Variants in PRKG1 observed in about 807,000 individuals in gnomAD.
The protein encoded by PRKG1 is cGMP-dependent protein kinase 1.
In PRKG1, 35 loss-of-function variants were observed where a neutral mutation model predicts 88.1. That is an observed-to-expected ratio of 0.40 (90% confidence interval 0.30 to 0.53). PRKG1 has a LOEUF of 0.53. PRKG1 is among the 20% of genes least tolerant of loss of function. The pLI, the probability that PRKG1 is intolerant of heterozygous loss-of-function variation, is 0.59. For synonymous variants in PRKG1, 303 were observed against 292.5 expected (o/e 1.04, Z -0.37); for missense variants, 540 against 839.8 (o/e 0.64, Z 4.41).
chr10:51,876,755 G>A (rs796388184), intron 4 of PRKG1, among the ~76,000 whole-genome samples: 11 of 152,268 alleles, frequency 7.2e-5, no homozygotes, highest in African/African-American at 2.6e-4. Flanking sequence ...GAAGTGCCAA[G>A]AAATTAATGA....
At chr10:52,019,223 A>T (rs1299293435) in intron 5 of PRKG1, among the ~76,000 whole-genome samples, 2 of 152,150 alleles carry the variant, frequency 1.3e-5, no homozygotes, top group Non-Finnish European at 2.9e-5. Context: ...CCCATGACCC[A>T]AACACCTCCC....
intron 4 of PRKG1, among the ~76,000 whole-genome samples, chr10:51,845,607 A>G (rs1022441341): frequency 6.6e-6 from 1 of 152,166 alleles, no homozygotes; most frequent in Non-Finnish European, 1.5e-5. Flanking sequence ...AAAATAAGAA[A>G]TTTTATTATC....
chr10:52,224,462 T>C (rs954710125), intron 9 of PRKG1, among the ~76,000 whole-genome samples: 3 of 151,900 alleles, frequency 2.0e-5, no homozygotes, highest in African/African-American at 4.8e-5. Flanking sequence ...TTTTAATTTT[T>C]CCATAGGTTA....
chr10:51,698,374 A>G, intron 3 of PRKG1: 2 of 1,614,068 alleles, frequency 1.2e-6, no homozygotes, highest in Non-Finnish European at 1.7e-6. Flanking sequence ...TGGGCTCTCC[A>G]ATTAGCAGTC....
At chr10:51,080,718 C>A (rs534453365) in intron 1 of PRKG1, among the ~76,000 whole-genome samples, 1 of 152,340 alleles carries the variant, frequency 6.6e-6, no homozygotes, top group Non-Finnish European at 1.5e-5. Context: ...GTATCCTAAT[C>A]TGAATTGTTG....
chr10:51,291,975 T>G (rs909129778), intron 2 of PRKG1, among the ~76,000 whole-genome samples: 1 of 152,200 alleles, frequency 6.6e-6, no homozygotes, highest in African/African-American at 2.4e-5. Flanking sequence ...TTTGATAATT[T>G]GTGGAAACTC....
chr10:51,949,585 A>G (rs143798021), intron 5 of PRKG1, among the ~76,000 whole-genome samples: 234 of 152,272 alleles, frequency 1.5e-3, no homozygotes, highest in African/African-American at 5.3e-3. Context: ...GATAGCCAAG[A>G]GAGTTGTCAC....
intron 3 of PRKG1, among the ~76,000 whole-genome samples, chr10:51,732,773 GA>G (rs1837149844): frequency 6.6e-6 from 1 of 152,126 alleles, no homozygotes; most frequent in Non-Finnish European, 1.5e-5. Flanking sequence ...AATAGATTTT[GA>G]AACTTGTAAG....
intron 3 of PRKG1, among the ~76,000 whole-genome samples, chr10:51,599,563 A>G (rs1027782033): frequency 6.6e-6 from 1 of 152,200 alleles, no homozygotes; most frequent in South Asian, 2.1e-4. Flanking sequence ...ACAACACTGT[A>G]TCTTTCTTGG....
At chr10:51,858,706 G>A (rs1326545217) in intron 4 of PRKG1, among the ~76,000 whole-genome samples, 2 of 151,636 alleles carry the variant, frequency 1.3e-5, no homozygotes, top group African/African-American at 4.8e-5. Flanking sequence ...TATTCCAGGT[G>A]TGGTGCCACA....
intron 3 of PRKG1, among the ~76,000 whole-genome samples, chr10:51,791,044 A>T (rs1281986095): frequency 6.6e-6 from 1 of 152,186 alleles, no homozygotes; most frequent in African/African-American, 2.4e-5. Flanking sequence ...AGTTCTAATT[A>T]CTAGTCTTAA....
At position 52,257,355 on chromosome 10, in the gene PRKG1, G is replaced by A. The variant is rs553788152; in HGVS notation, c.1173+5689G>A. ...TTGAAAAAAAAATAGAAACTAAGAG[G>A]TGATTAAGCAAGAAGTTAGGTGATA... On this transcript the variant is annotated intron_variant, in intron 10 of 17. Coordinates refer to ENST00000373980, the MANE Select transcript of PRKG1 (RefSeq NM_006258.4). 3.0e-4 allele frequency among the ~76,000 whole-genome samples: 42 copies of A among 139,688 alleles called. 4 individuals are homozygous for A. In the South Asian group the frequency reaches 9.7e-3, roughly 32 times the overall value. 91.6% of individuals were successfully genotyped at this position (139,688 alleles called of 152,430 possible). A position where few individuals can be genotyped will look rare whatever the true frequency, so the allele number is the denominator to read the frequency against.
chr10:51,667,672 G>T (rs1840456242), intron 3 of PRKG1, among the ~76,000 whole-genome samples: 1 of 152,052 alleles, frequency 6.6e-6, no homozygotes, highest in Admixed American at 6.6e-5. Context: ...ATCTAGTCTT[G>T]TCCATGTGTT....
At chr10:51,818,760 C>G (rs1201058898) in intron 4 of PRKG1, among the ~76,000 whole-genome samples, 2 of 99,032 alleles carry the variant, frequency 2.0e-5, no homozygotes, top group Non-Finnish European at 3.6e-5. Context: ...GTAATCCCAG[C>G]ACTTTGGGAG....
chr10:51,599,247 C>T (rs1174673481), intron 3 of PRKG1, among the ~76,000 whole-genome samples: 3 of 152,094 alleles, frequency 2.0e-5, no homozygotes, highest in Non-Finnish European at 4.4e-5. Context: ...TATTGTCATA[C>T]CTGGGGTTGG....
At chr10:51,152,272 C>T (rs1846091174) in intron 1 of PRKG1, among the ~76,000 whole-genome samples, 2 of 152,002 alleles carry the variant, frequency 1.3e-5, no homozygotes, top group Admixed American at 1.3e-4. Flanking sequence ...CTACTGACTA[C>T]CTGTATTGAA....
In PRKG1 at chr10:52,156,403, A is replaced by G. The variant is rs184291549; in HGVS notation, c.1002-5486A>G. 9.2e-5 allele frequency among the ~76,000 whole-genome samples: 14 copies of G among 151,874 alleles called. No homozygotes were observed. In the East Asian group the frequency reaches 2.5e-3, roughly 27 times the overall value. On this transcript the variant is annotated intron_variant, in intron 8 of 17. Coordinates refer to ENST00000373980, the MANE Select transcript of PRKG1 (RefSeq NM_006258.4). The stretch of plus-strand genomic sequence containing the variant: ...GTAATATAAGGCTCTAAATTCCTCA[A>G]AGTTGTACTTTATTCCTTTTGCATA...
At chr10:51,205,139 T>A (rs914601733) in intron 2 of PRKG1, among the ~76,000 whole-genome samples, 4 of 108,538 alleles carry the variant, frequency 3.7e-5, no homozygotes, top group African/African-American at 1.5e-4. Context: ...TTTTTTTTTT[T>A]TTTTTTTTTT....
intron 1 of PRKG1, among the ~76,000 whole-genome samples, chr10:51,121,824 G>A (rs1845267290): frequency 6.6e-6 from 1 of 152,084 alleles, no homozygotes; most frequent in Non-Finnish European, 1.5e-5. Context: ...GAATGGTCTT[G>A]CACAGTAATA....
Sources: allele counts gnomAD v4.1 joint callset (sites outside exome capture counted in the v4.1 genomes callset), GRCh38; gene constraint gnomAD v4.1.1; transcripts MANE v1.5; gene names NCBI Gene and HGNC (gene_info 2026-07-23, HGNC 2026-07-21).